Variants in FOXA2 observed in about 807,000 individuals in gnomAD.
FOXA2 encodes forkhead box A2, also known as hepatocyte nuclear factor 3-beta.
In FOXA2, 9 loss-of-function variants were observed where a neutral mutation model predicts 33.3. That is an observed-to-expected ratio of 0.27 (90% CI 0.16 to 0.47). The LOEUF (loss-of-function observed/expected upper bound fraction) is 0.47, where lower values mean the gene tolerates loss of function less well. Among genes scored for constraint, FOXA2 ranks in the 20% least tolerant of loss-of-function variants. FOXA2 has a pLI of 0.99. For missense variants in FOXA2, 704 were observed against 659.9 expected (o/e 1.07, Z -0.73); for synonymous variants, 329 against 289.4 (o/e 1.14, Z -1.39).
At chr20:22,583,849 C>T (rs1458545292) in intron 1 of FOXA2, among the ~76,000 whole-genome samples, 1 of 152,152 alleles carries the variant, frequency 6.6e-6, no homozygotes, top group Non-Finnish European at 1.5e-5. Flanking sequence ...CCATCTTCTC[C>T]TCCTCAGCTC....
chr20:22,582,078 C>T lies in FOXA2; in HGVS notation c.1164G>A (p.Met388Ile). ...FNHPFSINNL[M>I]SSEQQHHHSH... ...TGTGGTGGTGCTGCTGCTCCGAGGA[C>T]ATGAGGTTGTTGATGGAGAACGGGT... Residue 388 changes from methionine (M) to isoleucine (I), a missense_variant, in exon 2 of 2, where the codon ATG becomes ATA. Physicochemically the swap from Met to Ile is conservative, Grantham distance 10 (BLOSUM62 1). This residue lies in a region of FOXA2 where 343 missense variants were observed against 274.8 expected (regional missense o/e 1.25). Coordinates refer to ENST00000419308, the MANE Select transcript of FOXA2 (RefSeq NM_021784.5). 6.2e-7 allele frequency: 1 copy of T among 1,613,772 alleles called. No individual in the cohort carries two copies. Among genetic ancestry groups the T allele is most frequent in the Non-Finnish European group, 8.5e-7 (1 of 1,179,832 alleles).
rs1407201481 is a variant in FOXA2 at position 22,582,446 on chromosome 20, G to GCA, written c.795_796insTG (p.Gln266CysfsTer5). 1 of 1,609,064 alleles carries GCA rather than the reference G, an allele frequency of 6.2e-7. No homozygotes were observed. The highest frequency in any genetic ancestry group is 8.5e-7 in the Non-Finnish European group (1 of 1,178,154). On this transcript the variant is annotated frameshift_variant, in exon 2 of 2. Coordinates refer to ENST00000419308, the MANE Select transcript of FOXA2 (RefSeq NM_021784.5). LOFTEE classifies it high-confidence loss of function. Reference sequence around the variant, plus strand: ...CCTGCGGCCTCCTTCAGCGCCAGCTGCTTCTCGCACTTGAAGCGCTTCTGG... The same window carrying GCA: ...CCTGCGGCCTCCTTCAGCGCCAGCTGCACTTCTCGCACTTGAAGCGCTTCTGG...
Position 22,582,952 on chromosome 20 carries a change from C to T in FOXA2, c.290G>A (p.Gly97Asp). The T allele has an allele frequency of 2.5e-6, 4 of 1,593,040 alleles. No individual in the cohort carries two copies. Among genetic ancestry groups the T allele is most frequent in the Non-Finnish European group, 3.4e-6 (4 of 1,173,346 alleles). Residue 97 changes from glycine (G) to aspartate (D), a missense_variant, in exon 2 of 2, where the codon GGC (glycine) becomes GAC (aspartate). Transcript: ENST00000419308. ...SPGAGAMAGM[G>D]GSAGAAGVAG... The stretch of plus-strand genomic sequence containing the variant: ...CACGCCGGCCGCCCCGGCCGAGCCG[C>T]CCATGCCCGCCATGGCGCCCGCGCC...
upstream of FOXA2, among the ~76,000 whole-genome samples, chr20:22,584,912 C>T (rs113365261): frequency 6.6e-6 from 1 of 152,108 alleles, no homozygotes; most frequent in Non-Finnish European, 1.5e-5. Flanking sequence ...ACCGCCGCGG[C>T]GCCCCGCACT....
At position 22,581,760 on chromosome 20, in the gene FOXA2, C is replaced by G. The variant is rs760993089; in HGVS notation, c.*90G>C. Reference sequence around the variant, plus strand: ...CTTCTCCCTTGCGTCTCTGCAACACCGTCTCCCCAAAGTCTCGACCCCCAC... The same window carrying G: ...CTTCTCCCTTGCGTCTCTGCAACACGGTCTCCCCAAAGTCTCGACCCCCAC... On this transcript the variant is annotated 3_prime_UTR_variant, in exon 2 of 2. Coordinates refer to ENST00000419308, the MANE Select transcript of FOXA2 (RefSeq NM_021784.5). 5 of 1,253,996 alleles carry G rather than the reference C, an allele frequency of 4.0e-6. No individual in the cohort carries two copies. Among genetic ancestry groups the G allele is most frequent in the South Asian group, 3.9e-5 (3 of 76,176 alleles). 77.7% of individuals were successfully genotyped at this position (1,253,996 alleles called of 1,614,324 possible).
chr20:22,583,737 C>T (rs1192555045), intron 1 of FOXA2, among the ~76,000 whole-genome samples: 1 of 152,284 alleles, frequency 6.6e-6, no homozygotes, highest in East Asian at 1.9e-4. Flanking sequence ...GGGAAAGAAC[C>T]GAGACCTGAA....
Position 22,582,492 on chromosome 20 carries a change from C to G in FOXA2, c.750G>C (p.Glu250Asp). ...TCTGGCGGCGCAGGTAGCAGCCGTT[C>G]TCGAACATGTTGCCCGAGTCAGGGT... is the stretch of plus-strand genomic sequence containing the variant. ...TLHPDSGNMFENGCYLRRQKR... is the reference protein window; with the variant it reads ...TLHPDSGNMFDNGCYLRRQKR... Residue 250 changes from glutamate (E) to aspartate (D), a missense_variant, in exon 2 of 2, where the codon GAG becomes GAC. Glu to Asp is a conservative substitution (Grantham distance 45). Coordinates refer to ENST00000419308, the MANE Select transcript of FOXA2 (RefSeq NM_021784.5). 6.2e-7 allele frequency: 1 copy of G among 1,614,054 alleles called. No individual in the cohort carries two copies. The highest frequency in any genetic ancestry group is 8.5e-7 in the Non-Finnish European group (1 of 1,180,002).
Position 22,581,743 on chromosome 20 carries a change from T to G in FOXA2, c.*107A>C. On this transcript the variant is annotated 3_prime_UTR_variant, in exon 2 of 2. Transcript: ENST00000419308. ...GGGGGTGTTATGGATTTCTTCTCCC[T>G]TGCGTCTCTGCAACACCGTCTCCCC... The G allele has an allele frequency of 9.5e-7, 1 of 1,051,772 alleles. No homozygotes were observed. Among genetic ancestry groups the G allele is most frequent in the Non-Finnish European group, 1.4e-6 (1 of 697,474 alleles). The allele number at this position is 1,051,772 out of a possible 1,614,324, so 65.2% of individuals were successfully genotyped here.
At position 22,581,717 on chromosome 20, in the gene FOXA2, T is replaced by TG. The variant is rs1600432367; in HGVS notation, c.*132dup. On this transcript the variant is annotated 3_prime_UTR_variant, in exon 2 of 2. Transcript: ENST00000419308. ...GACTGCTGTCTTGGGGGTGTTGGGG[T>TG]GGGGGTGTTATGGATTTCTTCTCCC... The TG allele has an allele frequency of 3.7e-6, 3 of 802,546 alleles. No individual in the cohort carries two copies. The East Asian group carries it at 7.6e-5, about 20-fold the overall frequency. 49.7% of individuals were successfully genotyped at this position (802,546 alleles called of 1,614,324 possible).
Position 22,582,356 on chromosome 20 carries a change from C to A in FOXA2, c.886G>T (p.Ala296Ser). ...GGAGTCTCGGAGGCCGGCCCGGCGG[C>A]CTCCCCGAGTTGAGCCTGTGAGGCC... ...AQASQAQLGE[A>S]AGPASETPAG... Residue 296 changes from alanine to serine, a missense_variant, in exon 2 of 2, where the codon GCC becomes TCC. Transcript: ENST00000419308. The A allele has an allele frequency of 6.7e-7, 1 of 1,485,674 alleles. No individual in the cohort carries two copies. 92.0% of individuals were successfully genotyped at this position (1,485,674 alleles called of 1,614,324 possible).
At position 22,582,935 on chromosome 20, in the gene FOXA2, C is replaced by T; in HGVS notation, c.307G>A (p.Ala103Thr). Residue 103 changes from alanine (A) to threonine (T), a missense_variant, in exon 2 of 2, where the codon GCC (alanine) becomes ACC (threonine). Around this residue, in one of 5 missense-constraint regions of FOXA2, gnomAD observed 304 missense variants for 251.7 expected, o/e 1.21. Transcript: ENST00000419308. ...MAGMGGSAGA[A>T]GVAGMGPHLS... ...TGCGGCCCCATGCCCGCCACGCCGG[C>T]CGCCCCGGCCGAGCCGCCCATGCCC... The T allele has an allele frequency of 6.5e-7, 1 of 1,532,680 alleles. No homozygotes were observed. The highest frequency in any genetic ancestry group is 8.7e-7 in the Non-Finnish European group (1 of 1,145,430). 94.9% of individuals were successfully genotyped at this position (1,532,680 alleles called of 1,614,324 possible).
chr20:22,583,284 C>T (rs1355614201), intron 1 of FOXA2, 130 bp from the exon 2 acceptor site: 4 of 923,320 alleles, frequency 4.3e-6, no homozygotes, highest in African/African-American at 1.6e-5. Flanking sequence ...TCCCCGATGG[C>T]CCAGTCTCCG....
chr20:22,584,342 T>TA lies in FOXA2; in HGVS notation c.-65_-64insT. The stretch of plus-strand genomic sequence containing the variant: ...AATCACCCCCCACCCCCACCCTCTT[T>TA]TAAAAAAAAGTCAGCCAAAGCACCG... On this transcript the variant is annotated 5_prime_UTR_variant, in exon 1 of 2. Coordinates refer to ENST00000419308, the MANE Select transcript of FOXA2 (RefSeq NM_021784.5). 2 of 1,453,362 alleles carry TA rather than the reference T, an allele frequency of 1.4e-6. No homozygotes were observed. Among genetic ancestry groups the TA allele is most frequent in the Non-Finnish European group, 1.9e-6 (2 of 1,049,122 alleles). The allele number at this position is 1,453,362 out of a possible 1,614,324, so 90.0% of individuals were successfully genotyped here.
rs967465757 is a variant in FOXA2 at position 22,584,367 on chromosome 20, G to C, written c.-89C>G. The C allele has an allele frequency of 6.7e-6, 7 of 1,044,178 alleles. No homozygotes were observed. The highest frequency in any genetic ancestry group is 1.0e-5 in the Non-Finnish European group (7 of 691,510). 64.7% of individuals were successfully genotyped at this position (1,044,178 alleles called of 1,614,324 possible). A position where few individuals can be genotyped will look rare whatever the true frequency, so the allele number is the denominator to read the frequency against. On this transcript the variant is annotated 5_prime_UTR_variant, in exon 1 of 2. Transcript: ENST00000419308. ...TTAAAAAAAAGTCAGCCAAAGCACC[G>C]TCCCCTCCTCCCTCCCTCTCTCGCG...
chr20:22,582,573 G>A lies in FOXA2; in HGVS notation c.669C>T (p.Phe223=). 6.2e-7 allele frequency: 1 copy of A among 1,614,164 alleles called. No individual in the cohort carries two copies. Among genetic ancestry groups the A allele is most frequent in the South Asian group, 1.1e-5 (1 of 91,086 alleles). The change falls in exon 2 of 2, where the codon TTC becomes TTT. Residue 223 remains phenylalanine (F), a synonymous_variant. Coordinates refer to ENST00000419308, the MANE Select transcript of FOXA2 (RefSeq NM_021784.5). The stretch of plus-strand genomic sequence containing the variant: ...TGTCGGGCGAGCGGGGCACCTTCAG[G>A]AAACAGTCGTTGAAGGAGAGCGAGT... ...IRHSLSFNDC[F]LKVPRSPDKP... is the part of the protein sequence containing the mutation.
Position 22,582,292 on chromosome 20 carries a change from C to A in FOXA2, c.950G>T (p.Cys317Phe). 5 of 1,469,272 alleles carry A rather than the reference C, an allele frequency of 3.4e-6. No homozygotes were observed. The highest frequency in any genetic ancestry group is 2.8e-5 in the South Asian group (2 of 70,376). 91.0% of individuals were successfully genotyped at this position (1,469,272 alleles called of 1,614,324 possible). The change falls in exon 2 of 2, where the codon TGC (cysteine) becomes TTC (phenylalanine). Residue 317 changes from cysteine to phenylalanine, a missense_variant. By Grantham distance (205) the Cys-to-Phe change is radical (BLOSUM62 -2). Coordinates refer to ENST00000419308, the MANE Select transcript of FOXA2 (RefSeq NM_021784.5). ...CAGGCCCCCTCGCTTGTGCTCCTGG[C>A]ACGGGGAGGCGCTCGAGTGAGGCGA... Reference protein sequence around the residue: ...TESPHSSASPCQEHKRGGLGE... With the variant: ...TESPHSSASPFQEHKRGGLGE...
At position 22,584,471 on chromosome 20, in the gene FOXA2, G is replaced by T. The variant is rs906311895; in HGVS notation, c.-193C>A. On this transcript the variant is annotated 5_prime_UTR_variant, in exon 1 of 2. Coordinates refer to ENST00000419308, the MANE Select transcript of FOXA2 (RefSeq NM_021784.5). ...TAGTTGGAAGTGGGCGGGAGGTGGG[G>T]GGGGGCGAGGAGCGGAGGAGGCCCA... 1.2e-5 allele frequency: 7 copies of T among 604,812 alleles called. No individual in the cohort carries two copies. The highest frequency in any genetic ancestry group is 2.5e-5 in the Admixed American group (1 of 40,004). The allele number at this position is 604,812 out of a possible 1,614,324, so 37.5% of individuals were successfully genotyped here.
upstream of FOXA2, among the ~76,000 whole-genome samples, chr20:22,584,916 C>G (rs1362770775): frequency 6.6e-6 from 1 of 152,134 alleles, no homozygotes; most frequent in Non-Finnish European, 1.5e-5. Context: ...CCGCGGCGCC[C>G]CGCACTCCTG....
In FOXA2 at chr20:22,581,827, C is replaced by T; in HGVS notation, c.*23G>A. ...CCTCGATCCGGGGTGCCAGAGTTAG[C>T]CGGGCCTGAAGCCGTCGTCTTCTTA... On this transcript the variant is annotated 3_prime_UTR_variant, in exon 2 of 2. Coordinates refer to ENST00000419308, the MANE Select transcript of FOXA2 (RefSeq NM_021784.5). The T allele has an allele frequency of 6.2e-7, 1 of 1,603,060 alleles. No individual in the cohort carries two copies. Among genetic ancestry groups the T allele is most frequent in the Non-Finnish European group, 8.5e-7 (1 of 1,171,644 alleles).
Sources: allele counts gnomAD v4.1 joint callset (sites outside exome capture counted in the v4.1 genomes callset), GRCh38; gene constraint gnomAD v4.1.1; regional missense constraint gnomAD v4.1.1; transcripts MANE v1.5; gene names NCBI Gene and HGNC (gene_info 2026-07-23, HGNC 2026-07-21).